The following DMD variants were observed in gnomAD, a reference collection of about 807,000 sequenced individuals.
The protein encoded by DMD is dystrophin.
DMD carries 63 observed loss-of-function variants against 330.1 expected under a neutral mutation model. The ratio of observed to expected loss-of-function variants is 0.19; its 90% CI spans 0.16 to 0.24. The LOEUF (loss-of-function observed/expected upper bound fraction) is 0.24. Ranked by LOEUF, DMD falls within the 10% of genes least tolerant of loss-of-function variation. DMD has a pLI of 1.00. For missense variants in DMD, 3,344 were observed against 2,684.1 expected, an observed-to-expected ratio of 1.25 and a Z score of -5.43; for synonymous variants, 1,223 against 959.8, an observed-to-expected ratio of 1.27 and a Z score of -5.07.
At chrX:32,897,475 G>C (rs1295790381) in intron 2 of DMD, among the ~76,000 whole-genome samples, 1 of 111,561 alleles carries the variant, frequency 9.0e-6, no homozygotes, top group Non-Finnish European at 1.9e-5. Context: ...GTTTTAGGTA[G>C]GAGGGTTCTT....
intron 50 of DMD, among the ~76,000 whole-genome samples, chrX:31,777,248 G>A (rs1406591954): frequency 9.0e-6 from 1 of 111,444 alleles, no homozygotes; most frequent in Non-Finnish European, 1.9e-5. Flanking sequence ...CTATTTTCAC[G>A]AGAAGATAAT....
At chrX:32,341,538 T>G (rs2148809133) in intron 41 of DMD, among the ~76,000 whole-genome samples, 1 of 111,953 alleles carries the variant, frequency 8.9e-6, no homozygotes, top group East Asian at 2.8e-4. Context: ...CAATCTGCAA[T>G]CAATTAGCAA....
intron 2 of DMD, among the ~76,000 whole-genome samples, chrX:32,869,669 T>C (rs766986915): frequency 1.5e-4 from 16 of 109,428 alleles, no homozygotes; most frequent in Non-Finnish European, 2.7e-4. Context: ...ATTATCTTGC[T>C]GAAATAACAC....
chrX:31,407,507 T>C (rs2061450781), intron 60 of DMD, among the ~76,000 whole-genome samples: 1 of 103,410 alleles, frequency 9.7e-6, no homozygotes, highest in South Asian at 4.6e-4. Flanking sequence ...AGTCTGGCTC[T>C]GTTGCCCAGG....
chrX:31,646,023 T>C, intron 54 of DMD, among the ~76,000 whole-genome samples: 1 of 111,957 alleles, frequency 8.9e-6, no homozygotes, highest in Non-Finnish European at 1.9e-5. Context: ...TATGTGAAGA[T>C]CAGGATGTTA....
chrX:32,893,405 A>C (rs1347340491), intron 2 of DMD, among the ~76,000 whole-genome samples: 7 of 111,832 alleles, frequency 6.3e-5, no homozygotes, highest in Non-Finnish European at 9.4e-5. Flanking sequence ...TCTTTCCTTA[A>C]AAAATGAGAA....
intron 50 of DMD, among the ~76,000 whole-genome samples, chrX:31,778,320 T>TA (rs2090795445): frequency 9.0e-6 from 1 of 111,677 alleles, no homozygotes; most frequent in African/African-American, 3.3e-5. Flanking sequence ...GGATAGCTGA[T>TA]AGTAGTTGAG....
intron 1 of DMD, among the ~76,000 whole-genome samples, chrX:33,272,885 T>C (rs1042211385): frequency 2.7e-5 from 3 of 111,465 alleles, no homozygotes; most frequent in African/African-American, 9.8e-5. Flanking sequence ...GGTAGGCCCT[T>C]GGAATATTGA....
chrX:31,367,119 T>C (rs1309933363), intron 60 of DMD, among the ~76,000 whole-genome samples: 2 of 111,213 alleles, frequency 1.8e-5, no homozygotes, highest in Non-Finnish European at 3.8e-5. Context: ...ATCAGTACAG[T>C]TGGTGTAGAA....
At chrX:31,671,104 G>A (rs1043774263) in intron 53 of DMD, among the ~76,000 whole-genome samples, 10 of 111,036 alleles carry the variant, frequency 9.0e-5, no homozygotes, top group African/African-American at 2.9e-4. Flanking sequence ...AGCAGAGACG[G>A]GGTTTTACCG....
At chrX:32,241,673 A>G (rs1178222168) in intron 43 of DMD, among the ~76,000 whole-genome samples, 4 of 112,127 alleles carry the variant, frequency 3.6e-5, no homozygotes, top group African/African-American at 1.3e-4. Flanking sequence ...CTGTAAATAT[A>G]TTTCTGTAAA....
chrX:32,452,414 AGGGAAAG>A (rs2098336204), intron 26 of DMD, among the ~76,000 whole-genome samples: 1 of 26,566 alleles, frequency 3.8e-5, no homozygotes, highest in East Asian at 1.1e-3. Context: ...GGAAAGGGAA[AGGGAAAG>A]GGAAAGGGAA....
At chrX:32,844,989 A>G in intron 3 of DMD, 129 bp from the exon 4 acceptor site, 1 of 576,243 alleles carries the variant, frequency 1.7e-6, no homozygotes, top group East Asian at 3.7e-5. Context: ...AGGCATTAAT[A>G]TAATGAATCT....
At chrX:32,073,444 A>G (rs1057082322) in intron 44 of DMD, among the ~76,000 whole-genome samples, 7 of 111,714 alleles carry the variant, frequency 6.3e-5, no homozygotes, top group Non-Finnish European at 1.1e-4. Context: ...ATTTTATATT[A>G]TAAACATTAT....
At chrX:31,801,551 G>T (rs1423360260) in intron 50 of DMD, among the ~76,000 whole-genome samples, 1 of 106,155 alleles carries the variant, frequency 9.4e-6, no homozygotes, top group Non-Finnish European at 1.9e-5. Context: ...CTTGAAATTT[G>T]CTACAAGACT....
chrX:32,751,917 G>A (rs1037962002), intron 7 of DMD, among the ~76,000 whole-genome samples: 6 of 112,804 alleles, frequency 5.3e-5, no homozygotes, highest in South Asian at 7.2e-4. Flanking sequence ...CAGCTTCCAC[G>A]TCGTGTTGAG....
At chrX:33,210,395 T>A (rs978178398) in intron 1 of DMD, among the ~76,000 whole-genome samples, 13 of 111,227 alleles carry the variant, frequency 1.2e-4, no homozygotes, top group African/African-American at 4.2e-4. Context: ...ACACAGTCCT[T>A]ATCATATATT....
At chrX:32,174,754 TA>T (rs2096900346) in intron 44 of DMD, among the ~76,000 whole-genome samples, 1 of 106,035 alleles carries the variant, frequency 9.4e-6, no homozygotes, top group Non-Finnish European at 1.9e-5. Context: ...CTTCTATAGA[TA>T]TTTTTTTTTT....
chrX:32,926,417 A>G (rs1315069955), intron 2 of DMD, among the ~76,000 whole-genome samples: 1 of 111,963 alleles, frequency 8.9e-6, no homozygotes, highest in Non-Finnish European at 1.9e-5. Flanking sequence ...ATAACAATGT[A>G]TTATACTCTT....
Sources: allele counts gnomAD v4.1 joint callset (sites outside exome capture counted in the v4.1 genomes callset), GRCh38; gene constraint gnomAD v4.1.1; transcripts MANE v1.5; gene names NCBI Gene and HGNC (gene_info 2026-07-23, HGNC 2026-07-21).